Variants in SCIN observed in about 807,000 individuals in gnomAD.
SCIN encodes scinderin.
In SCIN, 91 loss-of-function variants were observed where a neutral mutation model predicts 91.8. The ratio of observed to expected loss-of-function variants is 0.99; its 90% CI spans 0.84 to 1.18. The LOEUF is 1.18. Ranked by LOEUF, SCIN falls within the 50% of genes most tolerant of loss-of-function variation. The probability of loss-of-function intolerance (pLI) is 0.00; values close to 1 mark genes in which losing one functional copy is unlikely to be tolerated. For missense variants in SCIN, 1,087 were observed against 863.9 expected, an observed-to-expected ratio of 1.26 and a Z score of -3.24; for synonymous variants, 367 against 312.6, an observed-to-expected ratio of 1.17 and a Z score of -1.84.
chr7:12,614,395 G>A (rs1247046011), intron 4 of SCIN, among the ~76,000 whole-genome samples: 2 of 152,252 alleles, frequency 1.3e-5, no homozygotes, highest in African/African-American at 4.8e-5. Context: ...CATAGAAGAG[G>A]CACTCTTCTA....
intron 2 of SCIN, among the ~76,000 whole-genome samples, chr7:12,578,652 C>A (rs1435460388): frequency 1.3e-5 from 2 of 151,992 alleles, no homozygotes; most frequent in Middle Eastern, 6.8e-3. Context: ...TATATTAATA[C>A]AGTATTTATA....
chr7:12,611,537 A>G (rs1236967436), intron 4 of SCIN, among the ~76,000 whole-genome samples: 1 of 152,172 alleles, frequency 6.6e-6, no homozygotes, highest in Non-Finnish European at 1.5e-5. Flanking sequence ...TTTGAAAATG[A>G]TACTACAGAG....
intron 10 of SCIN, among the ~76,000 whole-genome samples, chr7:12,638,920 G>T (rs535474276): frequency 1.3e-5 from 2 of 152,072 alleles, no homozygotes; most frequent in African/African-American, 4.8e-5. Flanking sequence ...ATGAAGACAT[G>T]CATTGTCTTA....
intron 3 of SCIN, among the ~76,000 whole-genome samples, chr7:12,597,063 A>G (rs960363558): frequency 2.6e-5 from 4 of 152,240 alleles, no homozygotes; most frequent in African/African-American, 9.6e-5. Flanking sequence ...AAAAACACAC[A>G]CAATATCTTT....
intron 3 of SCIN, among the ~76,000 whole-genome samples, chr7:12,583,470 G>A (rs1270903813): frequency 1.3e-5 from 2 of 152,018 alleles, no homozygotes; most frequent in Admixed American, 1.3e-4. Context: ...ATGGGTCCTG[G>A]GTTTTTCTAT....
At chr7:12,580,843 T>G (rs1782472854) in intron 2 of SCIN, among the ~76,000 whole-genome samples, 2 of 152,218 alleles carry the variant, frequency 1.3e-5, no homozygotes, top group Admixed American at 1.3e-4. Context: ...AATTGAATGG[T>G]TAAAACAGAA....
chr7:12,629,933 A>G (rs1209328798), intron 9 of SCIN, among the ~76,000 whole-genome samples: 1 of 152,224 alleles, frequency 6.6e-6, no homozygotes, highest in East Asian at 1.9e-4. Context: ...GTAAAAATAG[A>G]ATATTGCTAA....
At chr7:12,627,977 A>G (rs1783562845) in intron 8 of SCIN, among the ~76,000 whole-genome samples, 1 of 151,936 alleles carries the variant, frequency 6.6e-6, no homozygotes, top group Admixed American at 6.6e-5. Flanking sequence ...TTATCTTCAG[A>G]TTTCAAAGCA....
intron 13 of SCIN, among the ~76,000 whole-genome samples, chr7:12,645,770 G>A (rs976278234): frequency 2.6e-5 from 4 of 152,084 alleles, no homozygotes; most frequent in African/African-American, 9.7e-5. Flanking sequence ...CTTACACAGG[G>A]TATTTTAAGG....
chr7:12,570,822 G>A lies in SCIN; in HGVS notation c.36G>A (p.Arg12=), dbSNP rs1782249987. The A allele has an allele frequency of 1.3e-6, 2 of 1,551,448 alleles. No individual in the cohort carries two copies. Among genetic ancestry groups the A allele is most frequent in the East Asian group, 2.4e-5 (1 of 40,922 alleles). Residue 12 remains arginine (R), a synonymous_variant, in exon 1 of 16, where the codon CGG becomes CGA. Coordinates refer to ENST00000297029, the MANE Select transcript of SCIN (RefSeq NM_001112706.3). ...AGCTATACCACGAAGAGTTCGCCCG[G>A]GCGGGCAAGCAGGCGGGGCTGCAGG... ...ARELYHEEFA[R]AGKQAGLQVW... is the part of the protein sequence containing the mutation.
chr7:12,578,832 G>T (rs75078048), intron 2 of SCIN, among the ~76,000 whole-genome samples: 1 of 149,888 alleles, frequency 6.7e-6, no homozygotes, highest in East Asian at 2.0e-4. Context: ...TGATCAATTG[G>T]CTTTACTTCT....
rs1373598991 is a variant in SCIN, at chr7:12,657,570, ATATTTTTTTTTTTTT to A, written c.*4857_*4871del. ...TATATATATATATATATATATATAT[ATATTTTTTTTTTTTT>A]TTTTTTTTTTTTTGCATTGGCAAAA... On this transcript the variant is annotated 3_prime_UTR_variant, in exon 16 of 16. Coordinates refer to ENST00000297029, the MANE Select transcript of SCIN (RefSeq NM_001112706.3). The A allele has an allele frequency of 7.1e-3, 149 of 20,866 alleles. No individual in the cohort carries two copies. The highest frequency in any genetic ancestry group is 0.016 in the African/African-American group (141 of 8,936). The allele number at this position is 20,866 out of a possible 1,614,324, so 1.3% of individuals were successfully genotyped here. A position where few individuals can be genotyped will look rare whatever the true frequency, so the allele number is the denominator to read the frequency against.
At chr7:12,601,354 A>G (rs1201150890) in intron 3 of SCIN, among the ~76,000 whole-genome samples, 1 of 152,206 alleles carries the variant, frequency 6.6e-6, no homozygotes, top group Non-Finnish European at 1.5e-5. Context: ...TCAGAGAAGA[A>G]TCCATTTCTC....
intron 4 of SCIN, among the ~76,000 whole-genome samples, chr7:12,622,252 C>T (rs1397947303): frequency 3.3e-5 from 5 of 152,014 alleles, no homozygotes; most frequent in African/African-American, 7.2e-5. Context: ...ACTTACTCTG[C>T]GTATACTATG....
intron 13 of SCIN, among the ~76,000 whole-genome samples, chr7:12,647,376 G>T (rs145329884): frequency 6.6e-6 from 1 of 152,094 alleles, no homozygotes; most frequent in Non-Finnish European, 1.5e-5. Context: ...GGCTTTACAC[G>T]TGTAGATTCC....
chr7:12,633,981 C>A (rs1395668712), intron 9 of SCIN, among the ~76,000 whole-genome samples: 2 of 132,442 alleles, frequency 1.5e-5, no homozygotes, highest in Admixed American at 7.8e-5. Flanking sequence ...TTTTTTTTTG[C>A]ACCCCTCTGT....
chr7:12,651,939 G>C lies in SCIN; in HGVS notation c.2020+38G>C. ...GATGGACCATTATAGCAGTAACCGG[G>C]CACCATTATGACCGAGTGTCTGGCT... is the stretch of plus-strand genomic sequence containing the variant. On this transcript the variant is annotated intron_variant, in intron 15 of 15. Coordinates refer to ENST00000297029, the MANE Select transcript of SCIN (RefSeq NM_001112706.3). The surrounding 1 kb of genome is among the most constrained non-coding windows in gnomAD (Gnocchi z 5.9). 1.4e-6 allele frequency: 2 copies of C among 1,405,230 alleles called. No individual in the cohort carries two copies. The highest frequency in any genetic ancestry group is 2.0e-6 in the Non-Finnish European group (2 of 1,004,138). The allele number at this position is 1,405,230 out of a possible 1,614,324, so 87.0% of individuals were successfully genotyped here.
chr7:12,610,552 A>G (rs978060286), intron 4 of SCIN, among the ~76,000 whole-genome samples: 1 of 152,232 alleles, frequency 6.6e-6, no homozygotes, highest in Non-Finnish European at 1.5e-5. Flanking sequence ...ACTGTGAAAT[A>G]TGTAGTTCCA....
At chr7:12,632,919 T>C (rs1392878580) in intron 9 of SCIN, among the ~76,000 whole-genome samples, 3 of 152,162 alleles carry the variant, frequency 2.0e-5, no homozygotes, top group African/African-American at 7.2e-5. Flanking sequence ...ATATCAAGAA[T>C]GTAAGTTAGA....
Sources: allele counts gnomAD v4.1 joint callset (sites outside exome capture counted in the v4.1 genomes callset), GRCh38; gene constraint gnomAD v4.1.1; non-coding constraint Gnocchi (gnomAD v3.1); transcripts MANE v1.5; gene names NCBI Gene and HGNC (gene_info 2026-07-23, HGNC 2026-07-21).